PRKCSH: variants seen among roughly 807,000 people sequenced by gnomAD.
The protein encoded by PRKCSH is glucosidase 2 subunit beta.
PRKCSH carries 42 observed loss-of-function variants against 79.7 expected under a neutral mutation model. That is an observed-to-expected ratio of 0.53 (90% CI 0.41 to 0.68). PRKCSH has a LOEUF of 0.68. Ranked by LOEUF, PRKCSH falls within the 30% of genes least tolerant of loss-of-function variation. PRKCSH has a pLI of 0.00. For synonymous variants in PRKCSH, 325 were observed against 288.2 expected, an observed-to-expected ratio of 1.13 and a Z score of -1.29; for missense variants, 686 against 709.0, an observed-to-expected ratio of 0.97 and a Z score of 0.37.
In PRKCSH at chr19:11,449,209, G is replaced by A. The variant is rs2144855418; in HGVS notation, c.1461+34G>A. 1 of 1,613,590 alleles carries A rather than the reference G, an allele frequency of 6.2e-7. No homozygotes were observed. Among genetic ancestry groups the A allele is most frequent in the Non-Finnish European group, 8.5e-7 (1 of 1,179,954 alleles). Reference sequence around the variant, plus strand: ...CTGCAAGGCAGGGGAGCTGGGGCGGGGAGACCCAGGCCTGGCCCAGCCGAA... The same window carrying A: ...CTGCAAGGCAGGGGAGCTGGGGCGGAGAGACCCAGGCCTGGCCCAGCCGAA... On this transcript the variant is annotated intron_variant, in intron 16 of 17. Transcript: ENST00000677123. The surrounding 1 kb of genome is among the most constrained non-coding windows in gnomAD (Gnocchi z 6.4).
intron 5 of PRKCSH, among the ~76,000 whole-genome samples, chr19:11,439,397 C>T (rs976516039): frequency 3.3e-5 from 5 of 150,750 alleles, no homozygotes; most frequent in Non-Finnish European, 3.0e-5. Flanking sequence ...ATAGCGATAC[C>T]CTATCTCTAT....
In PRKCSH at chr19:11,447,358, T is replaced by TG. The variant is rs1207650632; in HGVS notation, c.850-80dup. On this transcript the variant is annotated intron_variant, in intron 10 of 17. Transcript: ENST00000677123. The surrounding 1 kb of genome is among the most constrained non-coding windows in gnomAD (Gnocchi z 5.6). ...GCAGGAGGGGCAGAGACACCGAGGC[T>TG]GCCCCTTGGGCTGTGGTGTGAGCCT... The TG allele has an allele frequency of 2.5e-5, 38 of 1,495,290 alleles. No individual in the cohort carries two copies. The highest frequency in any genetic ancestry group is 3.3e-5 in the Non-Finnish European group (36 of 1,085,444). The allele number at this position is 1,495,290 out of a possible 1,614,324, so 92.6% of individuals were successfully genotyped here. A position where few individuals can be genotyped will look rare whatever the true frequency, so the allele number is the denominator to read the frequency against.
intron 9 of PRKCSH, among the ~76,000 whole-genome samples, chr19:11,446,755 C>T (rs1314465244): frequency 2.0e-5 from 3 of 152,130 alleles, no homozygotes; most frequent in Non-Finnish European, 4.4e-5. Flanking sequence ...CAGCCTGGGC[C>T]TTGGCCTCTC....
chr19:11,447,122 C>A lies in PRKCSH; in HGVS notation c.811C>A (p.Arg271Ser). Residue 271 changes from arginine (R) to serine (S), a missense_variant, in exon 10 of 18, where the codon CGC (arginine) becomes AGC (serine). Coordinates refer to ENST00000677123, the MANE Select transcript of PRKCSH (RefSeq NM_001289104.2). The surrounding 1 kb of genome is among the most constrained non-coding windows in gnomAD (Gnocchi z 5.6). ...GACAGACGCCACCTCTTTCTACGAC[C>A]GCGTCTGGGCCGCCATCAGGGACAA... ...TQTDATSFYDRVWAAIRDKYR... is the reference protein window; with the variant it reads ...TQTDATSFYDSVWAAIRDKYR... 1 of 1,613,986 alleles carries A rather than the reference C, an allele frequency of 6.2e-7. No individual in the cohort carries two copies. The highest frequency in any genetic ancestry group is 8.5e-7 in the Non-Finnish European group (1 of 1,179,880).
At chr19:11,435,896 G>T in intron 1 of PRKCSH, 145 bp from the exon 2 acceptor site, 1 of 949,074 alleles carries the variant, frequency 1.1e-6, no homozygotes, top group Non-Finnish European at 1.6e-6. Context: ...TGAGCAAAGT[G>T]AGACTGGCCA....
At chr19:11,436,344 A>C (rs1464019111) in intron 2 of PRKCSH, 45 bp from the exon 3 acceptor site, 3 of 1,593,398 alleles carry the variant, frequency 1.9e-6, no homozygotes, top group Middle Eastern at 1.7e-4. Flanking sequence ...TATTTGGTGG[A>C]GAAGGCGCTT....
chr19:11,447,454 C>T lies in PRKCSH; in HGVS notation c.865C>T (p.Leu289Phe), dbSNP rs747320872. Residue 289 changes from leucine (L) to phenylalanine (F), a missense_variant, in exon 11 of 18, where the codon CTT becomes TTT. By Grantham distance (22) the Leu-to-Phe change is conservative (BLOSUM62 0). Coordinates refer to ENST00000677123, the MANE Select transcript of PRKCSH (RefSeq NM_001289104.2). This position sits in a 1 kb window ranked among gnomAD's most constrained non-coding sequence, Gnocchi z 5.6. ...CACCCGCCAGGCACTGCCCACCGAC[C>T]TTCCAGCACCTTCTGCCCCTGACTT... ...KYRSEALPTD[L>F]PAPSAPDLTE... The T allele has an allele frequency of 3.1e-6, 5 of 1,614,006 alleles. No individual in the cohort carries two copies. In the South Asian group the frequency reaches 4.4e-5, roughly 14 times the overall value.
At position 11,445,259 on chromosome 19, in the gene PRKCSH, G is replaced by C; in HGVS notation, c.599-130G>C. On this transcript the variant is annotated intron_variant, in intron 7 of 17. Coordinates refer to ENST00000677123, the MANE Select transcript of PRKCSH (RefSeq NM_001289104.2). ...GGCAGGGACCTTTGTCTCCTCCACAGTCGTGTCCTCAGGGTCCAGCATGGG... is the reference window on the plus strand; with the variant it reads ...GGCAGGGACCTTTGTCTCCTCCACACTCGTGTCCTCAGGGTCCAGCATGGG... 8 of 801,646 alleles carry C rather than the reference G, an allele frequency of 1.0e-5. No individual in the cohort carries two copies. In the South Asian group the frequency reaches 1.1e-4, roughly 12 times the overall value. 49.7% of individuals were successfully genotyped at this position (801,646 alleles called of 1,614,324 possible). A position where few individuals can be genotyped will look rare whatever the true frequency, so the allele number is the denominator to read the frequency against.
In PRKCSH at chr19:11,449,164, C is replaced by T. The variant is rs1970469082; in HGVS notation, c.1450C>T (p.Arg484Cys). The T allele has an allele frequency of 6.2e-6, 10 of 1,613,744 alleles. No homozygotes were observed. Among genetic ancestry groups the T allele is most frequent in the African/African-American group, 1.3e-5 (1 of 75,062 alleles). ...CACGGGCTGCTGGCAGGGCCCCAAC[C>T]GCTCCACCACCGTGAGTGCCTGCAA... Reference protein sequence around the residue: ...QGTGCWQGPNRSTTVRLLCGK... With the variant: ...QGTGCWQGPNCSTTVRLLCGK... The change falls in exon 16 of 18, where the codon CGC becomes TGC. Residue 484 changes from arginine to cysteine, a missense_variant. Transcript: ENST00000677123. The surrounding 1 kb of genome is among the most constrained non-coding windows in gnomAD (Gnocchi z 6.4).
intron 2 of PRKCSH, 37 bp downstream of exon 2, chr19:11,436,233 G>GT: frequency 6.2e-7 from 1 of 1,600,530 alleles, no homozygotes; most frequent in South Asian, 1.1e-5. Flanking sequence ...CAGGCTGGAG[G>GT]TGGGAGGGGC....
intron 7 of PRKCSH, among the ~76,000 whole-genome samples, chr19:11,444,390 C>T (rs946913356): frequency 4.6e-5 from 7 of 152,096 alleles, no homozygotes; most frequent in Non-Finnish European, 1.0e-4. Context: ...CCAGGCTACA[C>T]CTCTCACTGG....
At chr19:11,436,634 A>G in intron 3 of PRKCSH, 129 bp downstream of exon 3, 2 of 833,072 alleles carry the variant, frequency 2.4e-6, no homozygotes, top group Non-Finnish European at 3.9e-6. Flanking sequence ...CTCAGAAGTC[A>G]GTGGTCAGTG....
Position 11,449,111 on chromosome 19 carries a change from A to C in PRKCSH, c.1397A>C (p.Lys466Thr). 6.2e-7 allele frequency: 1 copy of C among 1,613,734 alleles called. No homozygotes were observed. Among genetic ancestry groups the C allele is most frequent in the Non-Finnish European group, 8.5e-7 (1 of 1,180,008 alleles). ...WGSWIGPDHDKFSAMKYEQGT... is the reference protein window; with the variant it reads ...WGSWIGPDHDTFSAMKYEQGT... ...TCATGGATTGGCCCCGACCACGACA[A>C]GTTCAGTGCCATGAAGTATGAGCAA... The change falls in exon 16 of 18, where the codon AAG becomes ACG. Residue 466 changes from lysine (K) to threonine (T), a missense_variant. This residue lies in a region of PRKCSH where 137 missense variants were observed against 188.8 expected (regional missense o/e 0.73). Coordinates refer to ENST00000677123, the MANE Select transcript of PRKCSH (RefSeq NM_001289104.2). This position sits in a 1 kb window ranked among gnomAD's most constrained non-coding sequence, Gnocchi z 6.4.
chr19:11,443,544 CAA>C (rs1209714150), intron 7 of PRKCSH, among the ~76,000 whole-genome samples: 23 of 103,450 alleles, frequency 2.2e-4, no homozygotes, highest in Admixed American at 4.2e-4. Context: ...GACTCCGTCT[CAA>C]AAAAAAAAAA....
chr19:11,449,250 G>T lies in PRKCSH; in HGVS notation c.1462-16G>T. On this transcript the variant is annotated splice_polypyrimidine_tract_variant and intron_variant, in intron 16 of 17. Coordinates refer to ENST00000677123, the MANE Select transcript of PRKCSH (RefSeq NM_001289104.2). The surrounding 1 kb of genome is among the most constrained non-coding windows in gnomAD (Gnocchi z 6.4). ...CCCAGCCGAACCCTCTCGAGCACCC[G>T]TCTGCCCATCCCCAGGTGCGCCTCC... 1.9e-6 allele frequency: 3 copies of T among 1,613,670 alleles called. No individual in the cohort carries two copies. The highest frequency in any genetic ancestry group is 2.5e-6 in the Non-Finnish European group (3 of 1,179,942).
Position 11,447,586 on chromosome 19 carries a change from G to A in PRKCSH, c.997G>A (p.Glu333Lys). The A allele has an allele frequency of 6.3e-7, 1 of 1,594,484 alleles. No homozygotes were observed. Among genetic ancestry groups the A allele is most frequent in the Non-Finnish European group, 8.5e-7 (1 of 1,170,974 alleles). The stretch of plus-strand genomic sequence containing the variant: ...AGAGGCTGAAGAAGAGGAGGAGGAG[G>A]AGGATTCCGAGGTGCAGGGGGAGCA... The part of the protein sequence containing the change: ...EEEAEEEEEE[E>K]DSEVQGEQPK... The change falls in exon 11 of 18, where the codon GAG (glutamate) becomes AAG (lysine). Residue 333 changes from glutamate to lysine, a missense_variant. By Grantham distance (56) the Glu-to-Lys change is moderately conservative. Transcript: ENST00000677123. This position sits in a 1 kb window ranked among gnomAD's most constrained non-coding sequence, Gnocchi z 5.6.
intron 7 of PRKCSH, among the ~76,000 whole-genome samples, chr19:11,443,920 C>T (rs1970179212): frequency 6.6e-6 from 1 of 152,076 alleles, no homozygotes; most frequent in Admixed American, 6.6e-5. Flanking sequence ...GGATTACAGG[C>T]ACCTGCCACC....
At chr19:11,450,165 GA>G (rs1970539614) in intron 17 of PRKCSH, among the ~76,000 whole-genome samples, 1 of 149,300 alleles carries the variant, frequency 6.7e-6, no homozygotes, top group Non-Finnish European at 1.5e-5. Context: ...TTTAAAAAAA[GA>G]TTTTTTTACT....
rs1568371147 is a variant in PRKCSH at position 11,449,167 on chromosome 19, T to A, written c.1453T>A (p.Ser485Thr). Reference sequence around the variant, plus strand: ...GGGCTGCTGGCAGGGCCCCAACCGCTCCACCACCGTGAGTGCCTGCAAGGC... The same window carrying A: ...GGGCTGCTGGCAGGGCCCCAACCGCACCACCACCGTGAGTGCCTGCAAGGC... ...GTGCWQGPNR[S>T]TTVRLLCGKE... is the part of the protein sequence containing the mutation. Residue 485 changes from serine (S) to threonine (T), a missense_variant, in exon 16 of 18, where the codon TCC (serine) becomes ACC (threonine). Physicochemically the swap from Ser to Thr is moderately conservative, Grantham distance 58 (BLOSUM62 1). Coordinates refer to ENST00000677123, the MANE Select transcript of PRKCSH (RefSeq NM_001289104.2). This position sits in a 1 kb window ranked among gnomAD's most constrained non-coding sequence, Gnocchi z 6.4. 1 of 1,613,558 alleles carries A rather than the reference T, an allele frequency of 6.2e-7. No individual in the cohort carries two copies. The highest frequency in any genetic ancestry group is 1.1e-5 in the South Asian group (1 of 91,072).
Sources: allele counts gnomAD v4.1 joint callset (sites outside exome capture counted in the v4.1 genomes callset), GRCh38; gene constraint gnomAD v4.1.1; regional missense constraint gnomAD v4.1.1; non-coding constraint Gnocchi (gnomAD v3.1); transcripts MANE v1.5; gene names NCBI Gene and HGNC (gene_info 2026-07-23, HGNC 2026-07-21).